Variants in LRP1B observed in about 807,000 individuals in gnomAD.
LRP1B encodes low-density lipoprotein receptor-related protein 1B.
A neutral mutation model predicts 556.6 loss-of-function variants in LRP1B; 217 were observed. That is an observed-to-expected ratio of 0.39 (90% confidence interval 0.35 to 0.44). LRP1B has a LOEUF of 0.44. Ranked by LOEUF, LRP1B falls within the 20% of genes least tolerant of loss-of-function variation. The pLI is 1.00. For synonymous variants in LRP1B, 2,047 were observed against 1,865.8 expected (o/e 1.10, Z -2.50); for missense variants, 5,053 against 5,620.8 (o/e 0.90, Z 3.23).
At chr2:141,278,278 T>C (rs1029919922) in intron 3 of LRP1B, among the ~76,000 whole-genome samples, 1 of 152,178 alleles carries the variant, frequency 6.6e-6, no homozygotes, top group Non-Finnish European at 1.5e-5. Flanking sequence ...AATTTTCTGT[T>C]ACATTCTAGG....
At chr2:141,023,404 T>C (rs1698122809) in intron 11 of LRP1B, among the ~76,000 whole-genome samples, 1 of 151,870 alleles carries the variant, frequency 6.6e-6, no homozygotes, top group African/African-American at 2.4e-5. Context: ...AAATAACATA[T>C]AATAAAATTT....
rs140296080 is a variant in LRP1B, at chr2:141,580,030, G to A, written c.206-99497C>T. ...TTTACTTCTTTCTCTTTACTGTTTT[G>A]ATTTCGGGAATAAGAAACATTTGAC... On this transcript the variant is annotated intron_variant, in intron 2 of 90. Transcript: ENST00000389484. Among the ~76,000 whole-genome samples the A allele has an allele frequency of 5.7e-4, 87 of 152,076 alleles. 1 individual carries two copies. Among genetic ancestry groups the A allele is most frequent in the Middle Eastern group, 3.4e-3 (1 of 294 alleles).
intron 7 of LRP1B, among the ~76,000 whole-genome samples, chr2:141,075,258 G>T (rs906151484): frequency 7.2e-5 from 11 of 152,124 alleles, no homozygotes; most frequent in African/African-American, 2.7e-4. Flanking sequence ...AAAATAATTT[G>T]GAGTCTGAGT....
intron 2 of LRP1B, among the ~76,000 whole-genome samples, chr2:141,635,047 A>AACACACACACAC (rs3221098): frequency 0.052 from 7,789 of 149,976 alleles, 265 homozygotes; most frequent in South Asian, 0.096. Flanking sequence ...ACTATAGTGA[A>AACACACACACAC]ACACACACAC....
intron 1 of LRP1B, among the ~76,000 whole-genome samples, chr2:141,920,288 GT>G (rs61511358): frequency 0.32 from 37,845 of 120,002 alleles, 6,702 homozygotes; most frequent in African/African-American, 0.45. Flanking sequence ...TTGGGGGGGG[GT>G]GGTAGGGATA....
At chr2:141,023,605 G>A (rs764915736) in intron 11 of LRP1B, among the ~76,000 whole-genome samples, 15 of 152,034 alleles carry the variant, frequency 9.9e-5, no homozygotes, top group Middle Eastern at 3.4e-3. Flanking sequence ...TCATGGAACA[G>A]AAGACTAAAG....
At chr2:141,129,275 T>A (rs1474155722) in intron 7 of LRP1B, among the ~76,000 whole-genome samples, 4 of 152,142 alleles carry the variant, frequency 2.6e-5, no homozygotes, top group Non-Finnish European at 5.9e-5. Context: ...GGTATAAATA[T>A]TTTACAAATT....
In LRP1B at chr2:140,714,422, A is replaced by C. The variant is rs1211715923; in HGVS notation, c.6023+1551T>G. On this transcript the variant is annotated intron_variant, in intron 37 of 90. Transcript: ENST00000389484. ...TGTGGAGAGATAAGAGGTACTTAAG[A>C]AAAAGAAGCTCTGGGATATCAGCTT... Among the ~76,000 whole-genome samples the C allele has an allele frequency of 3.9e-5, 6 of 152,254 alleles. No homozygotes were observed. The South Asian group carries it at 1.2e-3, about 32-fold the overall frequency.
At chr2:141,128,370 T>C (rs924013462) in intron 7 of LRP1B, among the ~76,000 whole-genome samples, 6 of 152,286 alleles carry the variant, frequency 3.9e-5, no homozygotes, top group Admixed American at 3.3e-4. Flanking sequence ...GTATTTCAAT[T>C]TATGGTTAAC....
intron 12 of LRP1B, 135 bp from the exon 13 acceptor site, chr2:141,016,050 G>A: frequency 7.5e-6 from 5 of 669,910 alleles, no homozygotes; most frequent in Non-Finnish European, 1.3e-5. Flanking sequence ...GTGCTTATCT[G>A]TCAAAGAGGG....
chr2:140,960,739 G>T (rs1257896301), intron 18 of LRP1B, among the ~76,000 whole-genome samples: 1 of 151,792 alleles, frequency 6.6e-6, no homozygotes, highest in Non-Finnish European at 1.5e-5. Flanking sequence ...CTAAAAGTAA[G>T]ATGTCCTAAT....
chr2:141,557,712 T>C (rs1338532654), intron 2 of LRP1B, among the ~76,000 whole-genome samples: 1 of 151,912 alleles, frequency 6.6e-6, no homozygotes, highest in African/African-American at 2.4e-5. Context: ...TAAACCTTCC[T>C]ATTCCCGCAG....
intron 3 of LRP1B, among the ~76,000 whole-genome samples, chr2:141,435,348 C>G (rs1680724865): frequency 6.6e-6 from 1 of 151,690 alleles, no homozygotes; most frequent in Non-Finnish European, 1.5e-5. Flanking sequence ...TCTTCCCACC[C>G]CAAGAGTTGG....
At chr2:140,982,574 C>T (rs2105344370) in intron 17 of LRP1B, among the ~76,000 whole-genome samples, 1 of 152,232 alleles carries the variant, frequency 6.6e-6, no homozygotes, top group African/African-American at 2.4e-5. Context: ...TTTTGCCCAG[C>T]ACATGCTTAT....
At chr2:140,334,022 A>AAC (rs1369966925) in intron 79 of LRP1B, among the ~76,000 whole-genome samples, 64 of 149,298 alleles carry the variant, frequency 4.3e-4, no homozygotes, top group African/African-American at 1.5e-3. Flanking sequence ...AAACAAAACA[A>AAC]AAAAAAAAAC....
intron 79 of LRP1B, among the ~76,000 whole-genome samples, chr2:140,331,789 G>T (rs1163284561): frequency 6.6e-6 from 1 of 151,600 alleles, no homozygotes; most frequent in African/African-American, 2.4e-5. Context: ...TCCGCCTCCT[G>T]GGTTCAAGCA....
chr2:141,953,451 C>T (rs990270716), intron 1 of LRP1B, among the ~76,000 whole-genome samples: 1 of 152,038 alleles, frequency 6.6e-6, no homozygotes, highest in Non-Finnish European at 1.5e-5. Context: ...CTACCTCTAT[C>T]CATCTTCTGC....
chr2:140,532,946 A>ATC (rs1371156767), intron 47 of LRP1B, among the ~76,000 whole-genome samples: 1 of 114,296 alleles, frequency 8.7e-6, no homozygotes, highest in Non-Finnish European at 2.0e-5. Context: ...ATATATATAT[A>ATC]TACACATATA....
At chr2:140,705,994 G>T (rs1331314373) in intron 37 of LRP1B, among the ~76,000 whole-genome samples, 2 of 152,112 alleles carry the variant, frequency 1.3e-5, no homozygotes, top group Non-Finnish European at 2.9e-5. Context: ...AAACTTTGGG[G>T]ATTATAAACC....
Sources: gnomAD v4.1 joint callset for allele counts (sites outside exome capture counted in the v4.1 genomes callset) on GRCh38, gnomAD v4.1.1 for gene constraint, MANE v1.5 for transcripts, NCBI Gene and HGNC (gene_info 2026-07-23, HGNC 2026-07-21) for gene names.